Variants in THSD7B observed in about 807,000 individuals in gnomAD.
The protein encoded by THSD7B is thrombospondin type-1 domain-containing protein 7B.
In THSD7B, 138 loss-of-function variants were observed where a neutral mutation model predicts 213.6. That is an observed-to-expected ratio of 0.65 (90% CI 0.56 to 0.74). The LOEUF is 0.74. Ranked by LOEUF, THSD7B falls within the 30% of genes least tolerant of loss-of-function variation. The pLI, the probability that THSD7B is intolerant of heterozygous loss-of-function variation, is 0.00. For synonymous variants in THSD7B, 742 were observed against 687.0 expected, an observed-to-expected ratio of 1.08 and a Z score of -1.25; for missense variants, 1,931 against 1,991.5, an observed-to-expected ratio of 0.97 and a Z score of 0.58.
rs1681373826 is a variant in THSD7B, at chr2:136,765,673, G to C, written c.-50G>C. 6.6e-6 allele frequency: 1 copy of C among 152,164 alleles called. No individual in the cohort carries two copies. The highest frequency in any genetic ancestry group is 1.5e-5 in the Non-Finnish European group (1 of 68,042). 9.4% of individuals were successfully genotyped at this position (152,164 alleles called of 1,614,324 possible). A position where few individuals can be genotyped will look rare whatever the true frequency, so the allele number is the denominator to read the frequency against. ...GCGGCTCCCAGAGGTTACGGCGGCG[G>C]CTCTGGCGAGACGGGTGAGTGCAAG... is the stretch of plus-strand genomic sequence containing the variant. On this transcript the variant is annotated 5_prime_UTR_variant, in exon 1 of 28. Transcript: ENST00000409968.
intron 12 of THSD7B, among the ~76,000 whole-genome samples, chr2:137,361,926 A>G (rs1659849308): frequency 6.6e-6 from 1 of 152,148 alleles, no homozygotes; most frequent in Admixed American, 6.5e-5. Context: ...CAAAACACAT[A>G]ATTATCAGAT....
intron 17 of THSD7B, 128 bp downstream of exon 17, chr2:137,572,684 T>A: frequency 8.3e-7 from 1 of 1,201,810 alleles, no homozygotes; most frequent in Non-Finnish European, 1.1e-6. Flanking sequence ...TTTTTCTTTT[T>A]GAGAAATCCA....
intron 2 of THSD7B, among the ~76,000 whole-genome samples, chr2:137,036,911 A>G (rs7582633): frequency 0.58 from 88,418 of 151,964 alleles, 29,682 homozygotes; most frequent in Non-Finnish European, 0.73. Context: ...ACTTTCACTA[A>G]TTTCTTCTGA....
At chr2:137,366,728 G>A (rs1377628373) in intron 12 of THSD7B, among the ~76,000 whole-genome samples, 1 of 150,502 alleles carries the variant, frequency 6.6e-6, no homozygotes, top group Non-Finnish European at 1.5e-5. Context: ...TTTTGATATT[G>A]TTATAAAAAA....
At chr2:136,859,967 G>A (rs1033205150) in intron 1 of THSD7B, among the ~76,000 whole-genome samples, 1 of 151,272 alleles carries the variant, frequency 6.6e-6, no homozygotes, top group Non-Finnish European at 1.5e-5. Context: ...GAGGAATTAA[G>A]TGTGGATCCC....
intron 7 of THSD7B, among the ~76,000 whole-genome samples, chr2:137,190,016 C>G (rs1371518485): frequency 6.6e-6 from 1 of 152,090 alleles, no homozygotes; most frequent in Non-Finnish European, 1.5e-5. Context: ...TGTTCAGAGA[C>G]TTACGTGAGG....
intron 27 of THSD7B, among the ~76,000 whole-genome samples, chr2:137,675,258 A>T (rs893205355): frequency 1.3e-5 from 2 of 152,110 alleles, no homozygotes; most frequent in African/African-American, 4.8e-5. Flanking sequence ...GATAATGGTG[A>T]TGGTACACAT....
At chr2:137,529,269 A>G (rs1159912175) in intron 15 of THSD7B, among the ~76,000 whole-genome samples, 1 of 152,092 alleles carries the variant, frequency 6.6e-6, no homozygotes, top group Non-Finnish European at 1.5e-5. Flanking sequence ...TTTGTTGAAT[A>G]AATACATGAA....
At chr2:137,438,562 C>T (rs893645386) in intron 14 of THSD7B, among the ~76,000 whole-genome samples, 4 of 152,178 alleles carry the variant, frequency 2.6e-5, no homozygotes, top group Middle Eastern at 3.4e-3. Flanking sequence ...CCCAACAAAA[C>T]TGTATTTACA....
In THSD7B at chr2:136,996,403, G is replaced by A. The variant is rs181284213; in HGVS notation, c.140-60017G>A. 6.0e-5 allele frequency among the ~76,000 whole-genome samples: 9 copies of A among 150,314 alleles called. No homozygotes were observed. The East Asian group carries it at 1.6e-3, about 26-fold the overall frequency. ...GTCATCTTGGCTGGAGTGCCGTGAC[G>A]CAATTACAGCTCATTGCAGCCTGAA... On this transcript the variant is annotated intron_variant, in intron 2 of 27. Coordinates refer to ENST00000409968, the MANE Select transcript of THSD7B (RefSeq NM_001316349.2).
intron 2 of THSD7B, among the ~76,000 whole-genome samples, chr2:136,934,975 G>A (rs536647972): frequency 4.3e-4 from 65 of 152,198 alleles, no homozygotes; most frequent in African/African-American, 1.5e-3. Flanking sequence ...TGCATTATAT[G>A]TGGAGAATTT....
At chr2:136,915,128 T>C (rs957556080) in intron 2 of THSD7B, among the ~76,000 whole-genome samples, 1 of 152,182 alleles carries the variant, frequency 6.6e-6, no homozygotes, top group Non-Finnish European at 1.5e-5. Flanking sequence ...GTTTTATCTC[T>C]AGGGGAAGAT....
At chr2:137,350,024 T>C (rs1684971739) in intron 12 of THSD7B, among the ~76,000 whole-genome samples, 1 of 151,844 alleles carries the variant, frequency 6.6e-6, no homozygotes, top group Admixed American at 6.6e-5. Flanking sequence ...AAAAGTCTCT[T>C]ATGTATTAGA....
intron 1 of THSD7B, among the ~76,000 whole-genome samples, chr2:136,865,303 C>A (rs1371367046): frequency 6.6e-6 from 1 of 152,154 alleles, no homozygotes; most frequent in African/African-American, 2.4e-5. Context: ...AGCTTCATTG[C>A]ATTGGGAAAG....
intron 1 of THSD7B, among the ~76,000 whole-genome samples, chr2:136,867,486 A>C (rs888522945): frequency 6.6e-6 from 1 of 152,212 alleles, no homozygotes. Flanking sequence ...ATAACTGAGA[A>C]TGAAAGGTTT....
intron 1 of THSD7B, among the ~76,000 whole-genome samples, chr2:136,867,451 T>C (rs558855647): frequency 9.0e-4 from 137 of 152,330 alleles, no homozygotes; most frequent in African/African-American, 3.2e-3. Flanking sequence ...CTTCCCCTTT[T>C]TCTTACCCAC....
intron 2 of THSD7B, among the ~76,000 whole-genome samples, chr2:137,004,311 ACACACACACAC>A (rs1686062432): frequency 8.4e-6 from 1 of 118,922 alleles, no homozygotes; most frequent in African/African-American, 2.8e-5. Context: ...ACACACACAC[ACACACACACAC>A]ACACACACAC....
chr2:137,529,904 A>G (rs1680365003), intron 15 of THSD7B, among the ~76,000 whole-genome samples: 2 of 152,016 alleles, frequency 1.3e-5, no homozygotes, highest in South Asian at 4.1e-4. Context: ...TTCAATTAAC[A>G]TTAAAAGGGA....
At chr2:137,509,504 A>G (rs536165530) in intron 15 of THSD7B, among the ~76,000 whole-genome samples, 3 of 152,046 alleles carry the variant, frequency 2.0e-5, no homozygotes, top group East Asian at 1.9e-4. Flanking sequence ...GTATTGATCT[A>G]TATTGAATTT....
Sources: gnomAD v4.1 joint callset for allele counts (sites outside exome capture counted in the v4.1 genomes callset) on GRCh38, gnomAD v4.1.1 for gene constraint, MANE v1.5 for transcripts, NCBI Gene and HGNC (gene_info 2026-07-23, HGNC 2026-07-21) for gene names.